The following ERC2 variants were observed in gnomAD, a reference collection of about 807,000 sequenced individuals.
ERC2 encodes the protein ELKS/RAB6-interacting/CAST family member 2.
In ERC2, 42 loss-of-function variants were observed where a neutral mutation model predicts 114.8. The ratio of observed to expected loss-of-function variants is 0.37; its 90% CI spans 0.29 to 0.47. ERC2 has a LOEUF of 0.47. ERC2 is among the 20% of genes least tolerant of loss of function. ERC2 has a pLI of 0.99. For synonymous variants in ERC2, 454 were observed against 425.5 expected (o/e 1.07, Z -0.82); for missense variants, 939 against 1,150.7 (o/e 0.82, Z 2.66).
chr3:56,070,858 GCTGCCTCTTC>G (rs2076704270), intron 7 of ERC2, among the ~76,000 whole-genome samples: 1 of 152,174 alleles, frequency 6.6e-6, no homozygotes. Flanking sequence ...AATGCACCGT[GCTGCCTCTTC>G]CTGCCAAACC....
chr3:55,669,122 T>G (rs1003623749), intron 17 of ERC2, among the ~76,000 whole-genome samples: 2 of 152,228 alleles, frequency 1.3e-5, no homozygotes, highest in African/African-American at 4.8e-5. Context: ...GCCTTGGTTG[T>G]TGGCATTTCA....
chr3:55,985,581 C>T (rs1298024103), intron 12 of ERC2, among the ~76,000 whole-genome samples: 1 of 152,146 alleles, frequency 6.6e-6, no homozygotes, highest in South Asian at 2.1e-4. Context: ...GTTGCTGTGT[C>T]ATGGGCAGAT....
intron 12 of ERC2, among the ~76,000 whole-genome samples, chr3:55,962,052 G>A (rs944787117): frequency 1.3e-5 from 2 of 152,082 alleles, no homozygotes; most frequent in Non-Finnish European, 2.9e-5. Flanking sequence ...CTGTTAGCTG[G>A]TGCTAACAAT....
At chr3:56,395,012 C>T (rs374067926) in intron 2 of ERC2, among the ~76,000 whole-genome samples, 20 of 150,744 alleles carry the variant, frequency 1.3e-4, no homozygotes, top group African/African-American at 2.2e-4. Context: ...CATGCTCTAA[C>T]ATGGATGAAT....
chr3:55,875,346 C>A (rs952082276), intron 14 of ERC2, among the ~76,000 whole-genome samples: 2 of 152,306 alleles, frequency 1.3e-5, no homozygotes, highest in South Asian at 2.1e-4. Flanking sequence ...GCACTGGCTG[C>A]AGTGCACTCT....
intron 17 of ERC2, among the ~76,000 whole-genome samples, chr3:55,601,990 A>T (rs1303007516): frequency 2.6e-5 from 4 of 152,226 alleles, no homozygotes; most frequent in African/African-American, 9.7e-5. Flanking sequence ...CTGCACAGTG[A>T]AACAGTAAGT....
chr3:56,071,832 G>A (rs2149732346), intron 7 of ERC2, among the ~76,000 whole-genome samples: 1 of 152,298 alleles, frequency 6.6e-6, no homozygotes, highest in African/African-American at 2.4e-5. Flanking sequence ...TACCATGGAA[G>A]CCACAATCTC....
chr3:55,514,403 G>A (rs976562378), intron 17 of ERC2, among the ~76,000 whole-genome samples: 9 of 152,066 alleles, frequency 5.9e-5, no homozygotes, highest in African/African-American at 9.7e-5. Context: ...CACTCCAGCC[G>A]TGATTGTGCC....
At chr3:56,280,049 T>C (rs970776141) in intron 3 of ERC2, among the ~76,000 whole-genome samples, 3 of 152,132 alleles carry the variant, frequency 2.0e-5, no homozygotes, top group Non-Finnish European at 4.4e-5. Flanking sequence ...CCCAATGTAA[T>C]CATAAGGGTT....
At chr3:56,372,813 T>G (rs890972639) in intron 2 of ERC2, among the ~76,000 whole-genome samples, 2 of 152,136 alleles carry the variant, frequency 1.3e-5, no homozygotes, top group Non-Finnish European at 2.9e-5. Context: ...TCTGTTAGAC[T>G]TCATACTCTG....
intron 2 of ERC2, among the ~76,000 whole-genome samples, chr3:56,302,572 C>G (rs760139409): frequency 6.6e-6 from 1 of 152,136 alleles, no homozygotes; most frequent in Non-Finnish European, 1.5e-5. Flanking sequence ...GTGAAAGGTA[C>G]GAAAAACTGC....
chr3:55,850,845 AACACACAC>A lies in ERC2; in HGVS notation c.2564+37536_2564+37543del, dbSNP rs61573924. 6.8e-3 allele frequency among the ~76,000 whole-genome samples: 862 copies of A among 125,942 alleles called. 7 individuals carry two copies. Among genetic ancestry groups the A allele is most frequent in the African/African-American group, 0.024 (801 of 33,044 alleles). The allele number at this position is 125,942 out of a possible 152,430, so 82.6% of individuals were successfully genotyped here. On this transcript the variant is annotated intron_variant, in intron 14 of 17. Transcript: ENST00000288221. ...TCCTGTTTCTAGATACTCTTTTTCA[AACACACAC>A]ACACACACACACACACACACACACA...
Position 56,043,091 on chromosome 3 carries a change from G to T in ERC2, c.1642-24060C>A, listed in dbSNP as rs192527904. Among the ~76,000 whole-genome samples, 52 of 152,270 alleles carry T rather than the reference G, an allele frequency of 3.4e-4. 1 individual carries two copies. Among genetic ancestry groups the T allele is most frequent in the Non-Finnish European group, 1.0e-4 (7 of 68,020 alleles). On this transcript the variant is annotated intron_variant, in intron 7 of 17. Transcript: ENST00000288221. ...GAGAGGATGGCAGAGCGGCCAAGAG[G>T]TCTGGAGCCCGCAAAATGAAAAAAA... is the stretch of plus-strand genomic sequence containing the variant.
intron 17 of ERC2, among the ~76,000 whole-genome samples, chr3:55,617,001 C>T (rs1308103197): frequency 6.6e-6 from 1 of 152,106 alleles, no homozygotes; most frequent in Admixed American, 6.5e-5. Flanking sequence ...AGGGAGGCAG[C>T]CTGCAGGCTT....
intron 4 of ERC2, among the ~76,000 whole-genome samples, chr3:56,162,368 G>T (rs1324082434): frequency 2.6e-5 from 4 of 151,998 alleles, no homozygotes; most frequent in Non-Finnish European, 5.9e-5. Flanking sequence ...GCCAGGTTTT[G>T]GTATCAGGGT....
chr3:56,036,600 G>C lies in ERC2; in HGVS notation c.1642-17569C>G, dbSNP rs533793378. 2.0e-5 allele frequency among the ~76,000 whole-genome samples: 3 copies of C among 152,244 alleles called. No homozygotes were observed. The South Asian group carries it at 6.2e-4, about 32-fold the overall frequency. ...GTTCTCTCATCTGGGCTGACTAGGCGGTTGGTGCAACCCATGGAGAGTGAG... is the reference window on the plus strand; with the variant it reads ...GTTCTCTCATCTGGGCTGACTAGGCCGTTGGTGCAACCCATGGAGAGTGAG... On this transcript the variant is annotated intron_variant, in intron 7 of 17. Transcript: ENST00000288221.
At chr3:56,145,602 G>C (rs2081095285) in intron 5 of ERC2, among the ~76,000 whole-genome samples, 2 of 152,128 alleles carry the variant, frequency 1.3e-5, no homozygotes, top group Admixed American at 1.3e-4. Flanking sequence ...TCTCCCAGAG[G>C]CTCAGTTCTC....
At chr3:56,203,388 G>C (rs1404525606) in intron 3 of ERC2, among the ~76,000 whole-genome samples, 1 of 152,128 alleles carries the variant, frequency 6.6e-6, no homozygotes, top group Non-Finnish European at 1.5e-5. Context: ...GGTACAATTA[G>C]GTCTTACTCA....
At chr3:55,988,840 G>A (rs924135046) in intron 11 of ERC2, among the ~76,000 whole-genome samples, 1 of 152,196 alleles carries the variant, frequency 6.6e-6, no homozygotes, top group African/African-American at 2.4e-5. Context: ...AATATTGTGA[G>A]GTATGAATTT....
Sources: gnomAD v4.1 joint callset for allele counts (sites outside exome capture counted in the v4.1 genomes callset) on GRCh38, gnomAD v4.1.1 for gene constraint, MANE v1.5 for transcripts, NCBI Gene and HGNC (gene_info 2026-07-23, HGNC 2026-07-21) for gene names.